Variants in FILIP1 observed in about 807,000 individuals in gnomAD.
FILIP1 encodes filamin A interacting protein 1, also known as filamin-A-interacting protein 1.
In FILIP1, 61 loss-of-function variants were observed where a neutral mutation model predicts 102.1. The observed-to-expected ratio is 0.60, with a 90% CI of 0.49 to 0.74. FILIP1 has a LOEUF of 0.74. FILIP1 is among the 30% of genes least tolerant of loss of function. FILIP1 has a pLI of 0.00. For synonymous variants in FILIP1, 491 were observed against 526.9 expected, an observed-to-expected ratio of 0.93 and a Z score of 0.93; for missense variants, 1,314 against 1,441.2, an observed-to-expected ratio of 0.91 and a Z score of 1.43.
intron 4 of FILIP1, among the ~76,000 whole-genome samples, chr6:75,325,085 T>C (rs1246517382): frequency 1.3e-5 from 2 of 152,126 alleles, no homozygotes; most frequent in African/African-American, 2.4e-5. Flanking sequence ...AATAAATAGA[T>C]GGAACCTAAC....
At chr6:75,301,732 G>A (rs1409743444) in intron 6 of FILIP1, among the ~76,000 whole-genome samples, 1 of 152,124 alleles carries the variant, frequency 6.6e-6, no homozygotes, top group Non-Finnish European at 1.5e-5. Flanking sequence ...TTATAGCTCA[G>A]TGCTAAATCA....
chr6:75,377,155 A>G (rs1471213224), intron 2 of FILIP1, among the ~76,000 whole-genome samples: 1 of 152,200 alleles, frequency 6.6e-6, no homozygotes, highest in African/African-American at 2.4e-5. Context: ...AAAATTAGAA[A>G]TGTTAAGTTT....
chr6:75,412,347 T>C (rs750828555), intron 2 of FILIP1, among the ~76,000 whole-genome samples: 3 of 152,184 alleles, frequency 2.0e-5, no homozygotes, highest in Non-Finnish European at 4.4e-5. Context: ...AAATATACAA[T>C]CATGTTATCT....
chr6:75,489,692 A>G (rs141380645), intron 1 of FILIP1, among the ~76,000 whole-genome samples: 94 of 152,188 alleles, frequency 6.2e-4, no homozygotes, highest in African/African-American at 2.0e-3. Flanking sequence ...TATCTGACTG[A>G]CTTAGTCATG....
In FILIP1 at chr6:75,392,818, G is replaced by A. The variant is rs544033127; in HGVS notation, c.276+21879C>T. Reference sequence around the variant, plus strand: ...GATAGTGAATGGGTCTCACGAGACTGATGGTTTTAAAAACACGAGATTCTC... The same window carrying A: ...GATAGTGAATGGGTCTCACGAGACTAATGGTTTTAAAAACACGAGATTCTC... On this transcript the variant is annotated intron_variant, in intron 2 of 5. Transcript: ENST00000237172. Among the ~76,000 whole-genome samples the A allele has an allele frequency of 3.5e-4, 53 of 152,308 alleles. 2 individuals are homozygous for A. In the South Asian group the frequency reaches 0.01, roughly 30 times the overall value.
chr6:75,377,161 A>G (rs1775776302), intron 2 of FILIP1, among the ~76,000 whole-genome samples: 1 of 152,194 alleles, frequency 6.6e-6, no homozygotes, highest in South Asian at 2.1e-4. Context: ...AGAAATGTTA[A>G]GTTTTTTAAA....
chr6:75,447,794 C>T (rs1380931356), intron 1 of FILIP1, among the ~76,000 whole-genome samples: 1 of 152,010 alleles, frequency 6.6e-6, no homozygotes, highest in Non-Finnish European at 1.5e-5. Context: ...ATTAAATCTT[C>T]ATCTTAAAAG....
chr6:75,362,705 G>A (rs1218283198), intron 3 of FILIP1, 39 bp downstream of exon 3: 7 of 1,588,652 alleles, frequency 4.4e-6, no homozygotes, highest in South Asian at 1.1e-5. Flanking sequence ...ATCTCCCTGA[G>A]GTTCCCATCC....
chr6:75,451,921 T>C (rs1778647035), intron 1 of FILIP1, among the ~76,000 whole-genome samples: 1 of 152,136 alleles, frequency 6.6e-6, no homozygotes, highest in South Asian at 2.1e-4. Context: ...CTAATAGAAA[T>C]ATCAATTAAT....
chr6:75,375,888 CA>C (rs1327031106), intron 2 of FILIP1, among the ~76,000 whole-genome samples: 1 of 152,094 alleles, frequency 6.6e-6, no homozygotes, highest in Non-Finnish European at 1.5e-5. Flanking sequence ...AACAAAAATG[CA>C]AGAAAATCTC....
At chr6:75,419,396 G>A (rs1362900082) in intron 1 of FILIP1, among the ~76,000 whole-genome samples, 1 of 151,946 alleles carries the variant, frequency 6.6e-6, no homozygotes, top group African/African-American at 2.4e-5. Flanking sequence ...TCTGTTCCTG[G>A]TTTTATTTTA....
chr6:75,428,438 G>A (rs971344286), intron 1 of FILIP1: 8 of 154,048 alleles, frequency 5.2e-5, no homozygotes, highest in African/African-American at 1.9e-4. Context: ...TCCAGTTTCT[G>A]AATTTGTGAG....
chr6:75,378,220 C>T (rs79713180), intron 2 of FILIP1, among the ~76,000 whole-genome samples: 1 of 151,840 alleles, frequency 6.6e-6, no homozygotes, highest in Admixed American at 6.6e-5. Context: ...ACCTGACACA[C>T]GTTTTCTCCT....
chr6:75,350,617 C>T (rs1462615087), intron 4 of FILIP1, among the ~76,000 whole-genome samples: 1 of 152,018 alleles, frequency 6.6e-6, no homozygotes, highest in Non-Finnish European at 1.5e-5. Flanking sequence ...CTATCATGCT[C>T]TCTATTTGAT....
chr6:75,374,619 A>G (rs921471645), intron 2 of FILIP1, among the ~76,000 whole-genome samples: 1 of 152,122 alleles, frequency 6.6e-6, no homozygotes, highest in Non-Finnish European at 1.5e-5. Context: ...ACCTCAGGTG[A>G]TCTACCCACC....
chr6:75,377,623 C>G lies in FILIP1; in HGVS notation c.277-14706G>C, dbSNP rs139199847. On this transcript the variant is annotated intron_variant, in intron 2 of 5. Coordinates refer to ENST00000237172, the MANE Select transcript of FILIP1 (RefSeq NM_015687.5). ...AGACTGAGAGCACTGAAGGCAGGAG[C>G]CTCTTGTTCTCTTTTGTGTCCCTAG... Among the ~76,000 whole-genome samples the G allele has an allele frequency of 6.6e-4, 101 of 152,282 alleles. 2 individuals are homozygous for G. The highest frequency in any genetic ancestry group is 2.3e-3 in the African/African-American group (97 of 41,560).
intron 1 of FILIP1, among the ~76,000 whole-genome samples, chr6:75,439,050 C>G (rs1778116526): frequency 6.6e-6 from 1 of 152,200 alleles, no homozygotes. Flanking sequence ...AATGAAATGT[C>G]TCCAGATCTT....
intron 1 of FILIP1, among the ~76,000 whole-genome samples, chr6:75,459,232 A>T (rs1479681869): frequency 6.6e-6 from 1 of 152,290 alleles, no homozygotes; most frequent in East Asian, 1.9e-4. Flanking sequence ...AGTGTCTGCA[A>T]TGATTCCCTG....
At chr6:75,476,171 G>A (rs763486603) in intron 1 of FILIP1, among the ~76,000 whole-genome samples, 17 of 151,718 alleles carry the variant, frequency 1.1e-4, no homozygotes, top group Non-Finnish European at 1.8e-4. Context: ...AACCTGGGAG[G>A]TGAAGGTTAC....
Sources: gnomAD v4.1 joint callset for allele counts (sites outside exome capture counted in the v4.1 genomes callset) on GRCh38, gnomAD v4.1.1 for gene constraint, MANE v1.5 for transcripts, NCBI Gene and HGNC (gene_info 2026-07-23, HGNC 2026-07-21) for gene names.